PRKAG2: variants seen among roughly 807,000 people sequenced by gnomAD.
PRKAG2 encodes 5'-AMP-activated protein kinase subunit gamma-2.
PRKAG2 carries 26 observed loss-of-function variants against 69.6 expected under a neutral mutation model. The observed-to-expected ratio is 0.37, with a 90% confidence interval of 0.27 to 0.52. The LOEUF (loss-of-function observed/expected upper bound fraction) is 0.52. PRKAG2 is among the 20% of genes least tolerant of loss of function. The pLI is 0.90. For missense variants in PRKAG2, 557 were observed against 740.0 expected, an observed-to-expected ratio of 0.75 and a Z score of 2.87; for synonymous variants, 293 against 285.0, an observed-to-expected ratio of 1.03 and a Z score of -0.28.
intron 3 of PRKAG2, among the ~76,000 whole-genome samples, chr7:151,731,535 T>TGTGTGTGCGC (rs10689682): frequency 1.6e-3 from 239 of 151,698 alleles, no homozygotes; most frequent in East Asian, 4.7e-3. Flanking sequence ...TGTGTGTGTG[T>TGTGTGTGCGC]GCGCACAGGT....
At chr7:151,619,745 CG>C (rs1821019018) in intron 5 of PRKAG2, among the ~76,000 whole-genome samples, 1 of 152,120 alleles carries the variant, frequency 6.6e-6, no homozygotes, top group South Asian at 2.1e-4. Context: ...CGGCTAGACG[CG>C]GTGGCTCATG....
intron 1 of PRKAG2, among the ~76,000 whole-genome samples, chr7:151,857,730 C>T (rs67190377): frequency 0.12 from 17,831 of 152,226 alleles, 1,498 homozygotes; most frequent in African/African-American, 0.23. Flanking sequence ...GGCTTGGGAG[C>T]GCTCGCTCTC....
At chr7:151,750,754 T>C (rs2074613681) in intron 3 of PRKAG2, among the ~76,000 whole-genome samples, 1 of 152,012 alleles carries the variant, frequency 6.6e-6, no homozygotes, top group Admixed American at 6.6e-5. Flanking sequence ...AGTGGTATGT[T>C]CCTGTCGTCC....
chr7:151,811,232 T>C (rs116506783), intron 1 of PRKAG2, among the ~76,000 whole-genome samples: 9 of 152,202 alleles, frequency 5.9e-5, no homozygotes, highest in African/African-American at 2.2e-4. Context: ...GGCTGACGGC[T>C]CACCTGAAGA....
rs146301434 is a variant in PRKAG2, at chr7:151,572,131, T to A, written c.1051+533A>T. Among the ~76,000 whole-genome samples, 115 of 152,384 alleles carry A rather than the reference T, an allele frequency of 7.5e-4. 1 individual carries two copies. The highest frequency in any genetic ancestry group is 2.1e-3 in the South Asian group (10 of 4,832). ...GAGTATCATGATTTTACAGGGTGAATGTCAATGTGACAATGAAGAGAATAT... is the reference window on the plus strand; with the variant it reads ...GAGTATCATGATTTTACAGGGTGAAAGTCAATGTGACAATGAAGAGAATAT... On this transcript the variant is annotated intron_variant, in intron 9 of 15. Coordinates refer to ENST00000287878, the MANE Select transcript of PRKAG2 (RefSeq NM_016203.4).
chr7:151,853,214 G>A lies in PRKAG2; in HGVS notation c.114+23293C>T, dbSNP rs572355412. Among the ~76,000 whole-genome samples the A allele has an allele frequency of 1.2e-3, 188 of 152,250 alleles. 5 individuals carry two copies. The South Asian group carries it at 0.032, about 26-fold the overall frequency. On this transcript the variant is annotated intron_variant, in intron 1 of 15. Coordinates refer to ENST00000287878, the MANE Select transcript of PRKAG2 (RefSeq NM_016203.4). ...TGCGTGAGTGTGCTGTCCCATAGGCGCAGCACCCTGGAGGAGGAGGAGGGG... is the reference window on the plus strand; with the variant it reads ...TGCGTGAGTGTGCTGTCCCATAGGCACAGCACCCTGGAGGAGGAGGAGGGG...
At position 151,632,396 on chromosome 7, in the gene PRKAG2, C is replaced by G. The variant is rs1347990846; in HGVS notation, c.685-258G>C. The G allele has an allele frequency of 2.1e-6, 1 of 483,574 alleles. No homozygotes were observed. Among genetic ancestry groups the G allele is most frequent in the Non-Finnish European group, 2.7e-6 (1 of 373,148 alleles). 30.0% of individuals were successfully genotyped at this position (483,574 alleles called of 1,614,324 possible). A position where few individuals can be genotyped will look rare whatever the true frequency, so the allele number is the denominator to read the frequency against. On this transcript the variant is annotated intron_variant, in intron 4 of 15. Coordinates refer to ENST00000287878, the MANE Select transcript of PRKAG2 (RefSeq NM_016203.4). The surrounding 1 kb of genome is among the most constrained non-coding windows in gnomAD (Gnocchi z 4.2). ...GCGAGTGGGACGCGCCGCTCCCCCC[C>G]GCGCCTTGGTACGGCCCGCCCGGGA...
At chr7:151,653,099 T>C (rs1358292319) in intron 4 of PRKAG2, among the ~76,000 whole-genome samples, 1 of 148,658 alleles carries the variant, frequency 6.7e-6, no homozygotes, top group Non-Finnish European at 1.5e-5. Flanking sequence ...GTGTGAGGTA[T>C]CAACAGAAAA....
intron 3 of PRKAG2, among the ~76,000 whole-genome samples, chr7:151,728,502 C>T (rs1016044971): frequency 2.0e-5 from 3 of 152,160 alleles, no homozygotes; most frequent in African/African-American, 4.8e-5. Flanking sequence ...GCGGCCCCAA[C>T]CCCAGGTCAC....
intron 1 of PRKAG2, among the ~76,000 whole-genome samples, chr7:151,848,201 A>C (rs1453069667): frequency 6.6e-6 from 1 of 152,220 alleles, no homozygotes; most frequent in African/African-American, 2.4e-5. Context: ...CCCTCATGCA[A>C]CAATATTAAG....
intron 6 of PRKAG2, 88 bp from the exon 7 acceptor site, chr7:151,576,540 GC>G: frequency 8.2e-7 from 1 of 1,214,652 alleles, no homozygotes; most frequent in Non-Finnish European, 1.2e-6. Flanking sequence ...TCACTCTGTT[GC>G]CCAGGCTGGA....
intron 4 of PRKAG2, among the ~76,000 whole-genome samples, chr7:151,645,125 G>A (rs1827345604): frequency 6.6e-6 from 1 of 152,096 alleles, no homozygotes; most frequent in South Asian, 2.1e-4. Context: ...CCCTCTTCTT[G>A]AGTGTGAGCA....
chr7:151,730,101 A>G (rs530463850), intron 3 of PRKAG2, among the ~76,000 whole-genome samples: 102 of 152,310 alleles, frequency 6.7e-4, no homozygotes, highest in African/African-American at 2.4e-3. Flanking sequence ...TAATGCCTAC[A>G]CAATAATGGG....
intron 1 of PRKAG2, among the ~76,000 whole-genome samples, chr7:151,825,487 C>A (rs996757430): frequency 3.9e-5 from 6 of 152,196 alleles, no homozygotes; most frequent in African/African-American, 1.4e-4. Flanking sequence ...AGACACCCAA[C>A]GCATGCTTCC....
At chr7:151,708,302 C>T (rs750073030) in intron 3 of PRKAG2, among the ~76,000 whole-genome samples, 12 of 152,156 alleles carry the variant, frequency 7.9e-5, no homozygotes, top group Non-Finnish European at 1.2e-4. Flanking sequence ...TTAGTGAACT[C>T]GGGACTCTAA....
intron 1 of PRKAG2, among the ~76,000 whole-genome samples, chr7:151,867,685 C>T (rs1046206427): frequency 2.0e-5 from 3 of 152,158 alleles, no homozygotes; most frequent in African/African-American, 7.2e-5. Context: ...CCAATTCCAT[C>T]GCACTGTTCA....
chr7:151,841,107 C>G (rs184075206), intron 1 of PRKAG2, among the ~76,000 whole-genome samples: 1 of 152,220 alleles, frequency 6.6e-6, no homozygotes, highest in Non-Finnish European at 1.5e-5. Flanking sequence ...TCTCACCCTG[C>G]CTCCTGAGTA....
At chr7:151,720,444 G>A (rs1796865862) in intron 3 of PRKAG2, among the ~76,000 whole-genome samples, 2 of 151,764 alleles carry the variant, frequency 1.3e-5, no homozygotes, top group Non-Finnish European at 2.9e-5. Context: ...AAATCTCTGT[G>A]GGTGTAACAC....
At chr7:151,596,646 G>A (rs1277541017) in intron 5 of PRKAG2, among the ~76,000 whole-genome samples, 1 of 152,154 alleles carries the variant, frequency 6.6e-6, no homozygotes. Flanking sequence ...CTTCTCAGGA[G>A]GCTGAGGCAC....
Sources: allele counts gnomAD v4.1 joint callset (sites outside exome capture counted in the v4.1 genomes callset), GRCh38; gene constraint gnomAD v4.1.1; non-coding constraint Gnocchi (gnomAD v3.1); transcripts MANE v1.5; gene names NCBI Gene and HGNC (gene_info 2026-07-23, HGNC 2026-07-21).